Variants in DPP10 observed in about 807,000 individuals in gnomAD.
DPP10 encodes dipeptidyl peptidase like 10.
Under a neutral mutation model 120.9 loss-of-function variants are expected in DPP10, and 33 were observed. The observed-to-expected ratio is 0.27, with a 90% confidence interval of 0.21 to 0.37. The LOEUF (loss-of-function observed/expected upper bound fraction) is 0.37, where lower values mean the gene tolerates loss of function less well. Ranked by LOEUF, DPP10 falls within the 10% of genes least tolerant of loss-of-function variation. The probability of loss-of-function intolerance (pLI) is 1.00; values close to 1 mark genes in which losing one functional copy is unlikely to be tolerated. For missense variants in DPP10, 816 were observed against 942.8 expected, an observed-to-expected ratio of 0.87 and a Z score of 1.76; for synonymous variants, 337 against 326.1, an observed-to-expected ratio of 1.03 and a Z score of -0.36.
chr2:115,739,834 G>T lies in DPP10; in HGVS notation c.793G>T (p.Val265Phe). 2 of 1,613,510 alleles carry T rather than the reference G, an allele frequency of 1.2e-6. No homozygotes were observed. Among genetic ancestry groups the T allele is most frequent in the South Asian group, 1.1e-5 (1 of 91,068 alleles). The change falls in exon 9 of 26, where the codon GTT becomes TTT. Residue 265 changes from valine to phenylalanine, a missense_variant. Val to Phe is a conservative substitution (Grantham distance 50, BLOSUM62 -1). Around this residue, in one of 3 missense-constraint regions of DPP10, gnomAD observed 592 missense variants for 649.0 expected, o/e 0.91. Coordinates refer to ENST00000410059, the MANE Select transcript of DPP10 (RefSeq NM_020868.6). ...AAATGACTCTTTGGTACCCACCATG[G>T]TTATCCCTCGGTTTACTGGAGCGTT... is the stretch of plus-strand genomic sequence containing the variant. Reference protein sequence around the residue: ...MINDSLVPTMVIPRFTGALYP... With the variant: ...MINDSLVPTMFIPRFTGALYP...
chr2:115,801,670 C>T (rs1248140196), intron 19 of DPP10, among the ~76,000 whole-genome samples: 6 of 152,064 alleles, frequency 3.9e-5, no homozygotes, highest in East Asian at 1.9e-4. Context: ...CAAAGGCCTT[C>T]TCTGCATCTA....
chr2:114,925,478 G>A (rs1330013400), intron 1 of DPP10, among the ~76,000 whole-genome samples: 1 of 152,140 alleles, frequency 6.6e-6, no homozygotes, highest in East Asian at 1.9e-4. Context: ...CAGACTTAAA[G>A]GTCAGATCTG....
chr2:114,544,777 C>T (rs954534802), intron 1 of DPP10, among the ~76,000 whole-genome samples: 1 of 151,920 alleles, frequency 6.6e-6, no homozygotes, highest in African/African-American at 2.4e-5. Flanking sequence ...TAGATTGTCT[C>T]AATAGGATTA....
chr2:114,986,320 T>C lies in DPP10; in HGVS notation c.61-322919T>C, dbSNP rs148316678. 5.4e-3 allele frequency among the ~76,000 whole-genome samples: 826 copies of C among 152,330 alleles called. 2 individuals are homozygous for C. Among genetic ancestry groups the C allele is most frequent in the African/African-American group, 0.019 (789 of 41,580 alleles). ...TCATTATTTCTAAGTGCAGGTTTCCTTTTCAACTACAGCTGGGTTTTGAGC... is the reference window on the plus strand; with the variant it reads ...TCATTATTTCTAAGTGCAGGTTTCCCTTTCAACTACAGCTGGGTTTTGAGC... On this transcript the variant is annotated intron_variant, in intron 1 of 25. Coordinates refer to ENST00000410059, the MANE Select transcript of DPP10 (RefSeq NM_020868.6).
intron 1 of DPP10, among the ~76,000 whole-genome samples, chr2:115,281,372 T>C (rs2060150882): frequency 6.6e-6 from 1 of 152,136 alleles, no homozygotes; most frequent in African/African-American, 2.4e-5. Flanking sequence ...GTAGAGTAAT[T>C]GTGTTTCAGT....
At chr2:115,382,028 G>T (rs2066418478) in intron 3 of DPP10, among the ~76,000 whole-genome samples, 2 of 151,748 alleles carry the variant, frequency 1.3e-5, no homozygotes, top group South Asian at 2.1e-4. Flanking sequence ...CCTGCCCCCA[G>T]AGGTGGAGCC....
intron 13 of DPP10, among the ~76,000 whole-genome samples, chr2:115,772,010 C>A (rs1232370661): frequency 1.4e-5 from 2 of 147,570 alleles, no homozygotes; most frequent in African/African-American, 2.5e-5. Context: ...TTTTTTTTTT[C>A]CTCATTTACA....
At chr2:115,516,332 A>G (rs2077500488) in intron 4 of DPP10, among the ~76,000 whole-genome samples, 1 of 152,132 alleles carries the variant, frequency 6.6e-6, no homozygotes, top group Non-Finnish European at 1.5e-5. Flanking sequence ...CCAACTAAGC[A>G]GAAAGTGCCA....
intron 5 of DPP10, among the ~76,000 whole-genome samples, chr2:115,610,434 TG>T (rs1428691492): frequency 6.7e-6 from 1 of 148,620 alleles, no homozygotes; most frequent in Non-Finnish European, 1.5e-5. Context: ...TAACTTACCA[TG>T]GGGAACAGAG....
chr2:115,702,115 T>G (rs566972257), intron 7 of DPP10, among the ~76,000 whole-genome samples: 3 of 152,126 alleles, frequency 2.0e-5, no homozygotes, highest in Admixed American at 2.0e-4. Context: ...AAAGGACTAC[T>G]AGTGACACAA....
chr2:115,656,260 G>A (rs1025023782), intron 5 of DPP10, among the ~76,000 whole-genome samples: 1 of 151,424 alleles, frequency 6.6e-6, no homozygotes, highest in Non-Finnish European at 1.5e-5. Context: ...TGCAGTTCAT[G>A]TGTATCAATT....
chr2:115,553,526 A>G (rs2080009972), intron 5 of DPP10, among the ~76,000 whole-genome samples: 1 of 152,088 alleles, frequency 6.6e-6, no homozygotes, highest in African/African-American at 2.4e-5. Context: ...GATATATTAA[A>G]TTAGCATAAA....
At chr2:115,418,943 C>G (rs1458314893) in intron 3 of DPP10, among the ~76,000 whole-genome samples, 1 of 152,166 alleles carries the variant, frequency 6.6e-6, no homozygotes, top group Non-Finnish European at 1.5e-5. Flanking sequence ...CACTCCTCTT[C>G]AGTGAACCTC....
At chr2:114,576,547 A>G (rs1439724336) in intron 1 of DPP10, among the ~76,000 whole-genome samples, 1 of 152,180 alleles carries the variant, frequency 6.6e-6, no homozygotes, top group Non-Finnish European at 1.5e-5. Flanking sequence ...TGGTTTTCTT[A>G]CAGGGGGACA....
chr2:114,643,186 A>C (rs1196969699), intron 1 of DPP10, among the ~76,000 whole-genome samples: 1 of 151,934 alleles, frequency 6.6e-6, no homozygotes, highest in Non-Finnish European at 1.5e-5. Context: ...GTAGTGTACC[A>C]GTCATATGGC....
At chr2:115,184,721 G>T (rs1293869189) in intron 1 of DPP10, among the ~76,000 whole-genome samples, 1 of 152,162 alleles carries the variant, frequency 6.6e-6, no homozygotes, top group East Asian at 1.9e-4. Flanking sequence ...TCGTACAGGA[G>T]ATAGATATCC....
chr2:115,575,532 C>G (rs1335462354), intron 5 of DPP10, among the ~76,000 whole-genome samples: 1 of 152,166 alleles, frequency 6.6e-6, no homozygotes, highest in Non-Finnish European at 1.5e-5. Context: ...TTGCCACTTT[C>G]TCAGGAGGTG....
chr2:115,490,157 G>C (rs4849400), intron 3 of DPP10, among the ~76,000 whole-genome samples: 42,376 of 151,954 alleles, frequency 0.28, 6,637 homozygotes, highest in East Asian at 0.41. Context: ...TCTCATGGTG[G>C]TATAAAGAAA....
intron 1 of DPP10, among the ~76,000 whole-genome samples, chr2:114,822,062 A>G (rs1686135962): frequency 6.6e-6 from 1 of 151,770 alleles, no homozygotes; most frequent in East Asian, 1.9e-4. Flanking sequence ...CCCAGTGGGG[A>G]CTCTGTGTGA....
Sources: gnomAD v4.1 joint callset for allele counts (sites outside exome capture counted in the v4.1 genomes callset) on GRCh38, gnomAD v4.1.1 for gene constraint, gnomAD v4.1.1 regional missense constraint, MANE v1.5 for transcripts, NCBI Gene and HGNC (gene_info 2026-07-23, HGNC 2026-07-21) for gene names.